Variants in UGT1A3 observed in about 807,000 individuals in gnomAD.
UGT1A3 encodes UDP glucuronosyltransferase family 1 member A3.
A neutral mutation model predicts 41.0 loss-of-function variants in UGT1A3; 31 were observed. That is an observed-to-expected ratio of 0.76 (90% CI 0.57 to 1.02). The LOEUF is 1.02. Among genes scored for constraint, UGT1A3 ranks in the 50% least tolerant of loss-of-function variants. UGT1A3 has a pLI of 0.00. For missense variants in UGT1A3, 737 were observed against 671.0 expected (o/e 1.10, Z -1.09); for synonymous variants, 262 against 257.6 (o/e 1.02, Z -0.17).
chr2:233,737,914 TA>T (rs1690631696), intron 1 of UGT1A3, among the ~76,000 whole-genome samples: 4 of 152,128 alleles, frequency 2.6e-5, no homozygotes, highest in African/African-American at 4.8e-5. Flanking sequence ...AAGAACAGGC[TA>T]GTGTATTTAG....
intron 1 of UGT1A3, chr2:233,760,440 G>A (rs1697447579): frequency 6.2e-7 from 1 of 1,614,228 alleles, no homozygotes; most frequent in Non-Finnish European, 8.5e-7. Flanking sequence ...AGCAGCTGCA[G>A]CAGAGGGGAC....
At chr2:233,748,096 T>A in intron 1 of UGT1A3, 1 of 1,612,812 alleles carries the variant, frequency 6.2e-7, no homozygotes, top group Non-Finnish European at 8.5e-7. Flanking sequence ...GTTCGTGCCT[T>A]CATCCAATCA....
At chr2:233,730,120 A>G in intron 1 of UGT1A3, 127 bp downstream of exon 1, 3 of 1,552,984 alleles carry the variant, frequency 1.9e-6, no homozygotes, top group Non-Finnish European at 1.7e-6. Context: ...TCTCCTTGTC[A>G]TAATAGCCTT....
chr2:233,734,102 A>G (rs1165382391), intron 1 of UGT1A3, among the ~76,000 whole-genome samples: 2 of 142,668 alleles, frequency 1.4e-5, no homozygotes, highest in East Asian at 3.9e-4. Flanking sequence ...AACTTAAAGT[A>G]TAATAATAAT....
intron 1 of UGT1A3, chr2:233,747,303 G>T (rs1693616830): frequency 2.5e-6 from 4 of 1,602,128 alleles, no homozygotes; most frequent in Non-Finnish European, 2.6e-6. Context: ...AGAGTGGGAA[G>T]GTGCTGGTGG....
Position 233,729,645 on chromosome 2 carries a change from G to T in UGT1A3, c.519G>T (p.Leu173Phe), listed in dbSNP as rs752981175. The T allele has an allele frequency of 8.7e-6, 14 of 1,613,504 alleles. No individual in the cohort carries two copies. The highest frequency in any genetic ancestry group is 1.2e-5 in the Non-Finnish European group (14 of 1,179,784). The change falls in exon 1 of 5, where the codon TTG becomes TTT. Residue 173 changes from leucine (L) to phenylalanine (F), a missense_variant. Transcript: ENST00000482026. ...TGTCGATTCCTACTGTGTTTTTTTT[G>T]AGGAACATTCCATGTGATTTAGACT... ...KYLSIPTVFF[L>F]RNIPCDLDFK...
chr2:233,730,870 C>G (rs1312023750), intron 1 of UGT1A3, among the ~76,000 whole-genome samples: 2 of 152,146 alleles, frequency 1.3e-5, no homozygotes, highest in Admixed American at 1.3e-4. Context: ...CTACTGCACT[C>G]CAGGTTTCTA....
chr2:233,772,888 G>C lies in UGT1A3; in HGVS notation c.*329G>C. 3.7e-6 allele frequency: 2 copies of C among 534,950 alleles called. No individual in the cohort carries two copies. Among genetic ancestry groups the C allele is most frequent in the Admixed American group, 3.7e-5 (1 of 26,668 alleles). The allele number at this position is 534,950 out of a possible 1,614,324, so 33.1% of individuals were successfully genotyped here. ...CTGTTTGGGAGTGCGGGATTCAAAGGTGGTCCCACGGCTGCCCCTACTGCA... is the reference window on the plus strand; with the variant it reads ...CTGTTTGGGAGTGCGGGATTCAAAGCTGGTCCCACGGCTGCCCCTACTGCA... On this transcript the variant is annotated 3_prime_UTR_variant, in exon 5 of 5. Coordinates refer to ENST00000482026, the MANE Select transcript of UGT1A3 (RefSeq NM_019093.4).
chr2:233,751,665 G>A (rs1281035345), intron 1 of UGT1A3, among the ~76,000 whole-genome samples: 6 of 152,196 alleles, frequency 3.9e-5, no homozygotes, highest in African/African-American at 1.4e-4. Context: ...TACTGAGTGA[G>A]TTCTAATGAG....
intron 1 of UGT1A3, chr2:233,747,483 C>A (rs993277218): frequency 6.2e-7 from 1 of 1,608,496 alleles, no homozygotes; most frequent in Non-Finnish European, 8.5e-7. Context: ...TGAATTTGAT[C>A]GCCTTGTGCT....
At chr2:233,747,315 A>G (rs1575682403) in intron 1 of UGT1A3, 17 of 1,603,040 alleles carry the variant, frequency 1.1e-5, no homozygotes, top group Admixed American at 6.7e-5. Flanking sequence ...TGCTGGTGGT[A>G]CCCATTGATG....
intron 1 of UGT1A3, 126 bp downstream of exon 1, chr2:233,730,119 C>T (rs1050409403): frequency 6.4e-7 from 1 of 1,553,794 alleles, no homozygotes; most frequent in Non-Finnish European, 8.7e-7. Context: ...TTCTCCTTGT[C>T]ATAATAGCCT....
intron 1 of UGT1A3, chr2:233,752,209 A>G (rs544905621): frequency 1.3e-5 from 2 of 152,350 alleles, no homozygotes; most frequent in East Asian, 3.9e-4. Context: ...AACTCCAGCC[A>G]GAAAAAATAT....
intron 1 of UGT1A3, among the ~76,000 whole-genome samples, chr2:233,764,478 C>G (rs370150887): frequency 6.6e-6 from 1 of 152,082 alleles, no homozygotes; most frequent in Non-Finnish European, 1.5e-5. Context: ...TATTTAACTT[C>G]GAATGTTTAT....
chr2:233,748,156 T>G, intron 1 of UGT1A3: 1 of 1,601,882 alleles, frequency 6.2e-7, no homozygotes, highest in Non-Finnish European at 8.5e-7. Flanking sequence ...TACAATTGCT[T>G]CCATATCTAC....
intron 4 of UGT1A3, among the ~76,000 whole-genome samples, 194 bp from the exon 5 acceptor site, chr2:233,772,068 G>T (rs906285664): frequency 3.9e-5 from 6 of 152,160 alleles, no homozygotes; most frequent in Non-Finnish European, 8.8e-5. Flanking sequence ...AGCCATGCTT[G>T]TGCCACTACA....
At chr2:233,756,690 C>G (rs1266086020) in intron 1 of UGT1A3, among the ~76,000 whole-genome samples, 2 of 152,102 alleles carry the variant, frequency 1.3e-5, no homozygotes, top group Non-Finnish European at 2.9e-5. Flanking sequence ...TATATAATGA[C>G]GATGAATTTT....
chr2:233,748,167 T>C, intron 1 of UGT1A3: 1 of 1,593,478 alleles, frequency 6.3e-7, no homozygotes, highest in Admixed American at 1.7e-5. Flanking sequence ...CCATATCTAC[T>C]TATCTTTCTG....
At position 233,729,516 on chromosome 2, in the gene UGT1A3, G is replaced by T; in HGVS notation, c.390G>T (p.Glu130Asp). The T allele has an allele frequency of 6.2e-7, 1 of 1,614,186 alleles. No individual in the cohort carries two copies. The highest frequency in any genetic ancestry group is 8.5e-7 in the Non-Finnish European group (1 of 1,180,038). ...TGGTCTATCATAGGTCTTGTGTGGA[G>T]CTACTACATAATGAGGCCCTGATCA... The part of the protein sequence containing the change: ...MSLVYHRSCV[E>D]LLHNEALIRH... The change falls in exon 1 of 5, where the codon GAG becomes GAT. Residue 130 changes from glutamate to aspartate, a missense_variant. Physicochemically the swap from Glu to Asp is conservative, Grantham distance 45. Coordinates refer to ENST00000482026, the MANE Select transcript of UGT1A3 (RefSeq NM_019093.4).
Sources: allele counts gnomAD v4.1 joint callset (sites outside exome capture counted in the v4.1 genomes callset), GRCh38; gene constraint gnomAD v4.1.1; transcripts MANE v1.5; gene names NCBI Gene and HGNC (gene_info 2026-07-23, HGNC 2026-07-21).